THRB: variants seen among roughly 807,000 people sequenced by gnomAD.
The protein encoded by THRB is nuclear receptor subfamily 1 group A member 2.
A neutral mutation model predicts 47.8 loss-of-function variants in THRB; 12 were observed. The ratio of observed to expected loss-of-function variants is 0.25; its 90% CI spans 0.16 to 0.41. The LOEUF (loss-of-function observed/expected upper bound fraction) is 0.41. Among genes scored for constraint, THRB ranks in the 10% least tolerant of loss-of-function variants. The pLI, the probability that THRB is intolerant of heterozygous loss-of-function variation, is 1.00. For synonymous variants in THRB, 218 were observed against 212.2 expected (o/e 1.03, Z -0.24); for missense variants, 348 against 589.2 (o/e 0.59, Z 4.24).
At chr3:24,281,760 A>G (rs1261952617) in intron 3 of THRB, among the ~76,000 whole-genome samples, 1 of 146,784 alleles carries the variant, frequency 6.8e-6, no homozygotes, top group Non-Finnish European at 1.5e-5. Flanking sequence ...CAAATGGAAA[A>G]CAAAAAAAGG....
intron 3 of THRB, among the ~76,000 whole-genome samples, chr3:24,289,860 T>C (rs1449498194): frequency 6.6e-6 from 1 of 152,186 alleles, no homozygotes; most frequent in East Asian, 1.9e-4. Context: ...TATTGGGATG[T>C]TCCCTATCAT....
intron 2 of THRB, among the ~76,000 whole-genome samples, chr3:24,306,508 A>G (rs1259006256): frequency 6.6e-6 from 1 of 152,260 alleles, no homozygotes; most frequent in Non-Finnish European, 1.5e-5. Context: ...AAATTATCCC[A>G]AAGAAAAATA....
intron 1 of THRB, among the ~76,000 whole-genome samples, chr3:24,367,506 A>G (rs1022238933): frequency 6.6e-5 from 10 of 152,184 alleles, no homozygotes; most frequent in African/African-American, 9.7e-5. Flanking sequence ...TGCACAGTCT[A>G]GTAAGCTAGC....
chr3:24,433,892 G>A (rs2070691856), intron 1 of THRB, among the ~76,000 whole-genome samples: 2 of 152,182 alleles, frequency 1.3e-5, no homozygotes, highest in Admixed American at 6.5e-5. Flanking sequence ...ATAACGCTGA[G>A]GGTCCTGACA....
intron 8 of THRB, among the ~76,000 whole-genome samples, chr3:24,139,497 C>T (rs1331819944): frequency 6.6e-6 from 1 of 151,772 alleles, no homozygotes; most frequent in Non-Finnish European, 1.5e-5. Context: ...GATCCATCTA[C>T]CTCAGCCTCC....
At chr3:24,453,419 C>T (rs762693052) in intron 1 of THRB, among the ~76,000 whole-genome samples, 1 of 152,168 alleles carries the variant, frequency 6.6e-6, no homozygotes, top group Non-Finnish European at 1.5e-5. Context: ...AGAACACACA[C>T]TTTTAGCCAT....
intron 1 of THRB, among the ~76,000 whole-genome samples, chr3:24,450,029 G>A (rs891788441): frequency 6.6e-6 from 1 of 151,790 alleles, no homozygotes; most frequent in African/African-American, 2.4e-5. Flanking sequence ...AGAAAGGAGG[G>A]GAGTTAGCCG....
At chr3:24,348,103 G>A (rs557891705) in intron 1 of THRB, among the ~76,000 whole-genome samples, 37 of 152,206 alleles carry the variant, frequency 2.4e-4, no homozygotes, top group South Asian at 2.1e-3. Context: ...TTAGCAGACC[G>A]AATCCTGAGA....
chr3:24,395,105 T>C (rs1025005931), intron 1 of THRB, among the ~76,000 whole-genome samples: 1 of 152,090 alleles, frequency 6.6e-6, no homozygotes, highest in Non-Finnish European at 1.5e-5. Context: ...CCTCATGTCA[T>C]ATGGAAAAAT....
At chr3:24,351,796 T>G (rs536499870) in intron 1 of THRB, among the ~76,000 whole-genome samples, 1 of 152,150 alleles carries the variant, frequency 6.6e-6, no homozygotes, top group Admixed American at 6.5e-5. Flanking sequence ...TCTGTAACAA[T>G]GTCTGTAGTG....
chr3:24,246,536 G>C (rs2050129452), intron 3 of THRB, among the ~76,000 whole-genome samples: 1 of 152,134 alleles, frequency 6.6e-6, no homozygotes, highest in South Asian at 2.1e-4. Context: ...CTGAGTAGAA[G>C]AGATTTAATG....
intron 9 of THRB, among the ~76,000 whole-genome samples, chr3:24,132,520 A>G (rs547669586): frequency 6.6e-6 from 1 of 152,378 alleles, no homozygotes; most frequent in Non-Finnish European, 1.5e-5. Context: ...ACATTATTGT[A>G]ATCCCCATTT....
intron 1 of THRB, among the ~76,000 whole-genome samples, chr3:24,478,987 C>G (rs930765275): frequency 3.9e-5 from 6 of 152,100 alleles, no homozygotes; most frequent in African/African-American, 1.4e-4. Flanking sequence ...TAACTAGAAG[C>G]CAGAGATGCT....
At chr3:24,195,073 G>A (rs994806093) in intron 4 of THRB, among the ~76,000 whole-genome samples, 4 of 152,184 alleles carry the variant, frequency 2.6e-5, no homozygotes, top group African/African-American at 9.7e-5. Context: ...AGACTATTAG[G>A]TATGAAGCCT....
chr3:24,412,061 C>T (rs923497825), intron 1 of THRB, among the ~76,000 whole-genome samples: 9 of 151,660 alleles, frequency 5.9e-5, no homozygotes, highest in African/African-American at 1.9e-4. Context: ...ATAAACATGA[C>T]ATGTACAGAG....
intron 10 of THRB, among the ~76,000 whole-genome samples, chr3:24,124,954 T>A (rs1267277873): frequency 6.6e-6 from 1 of 152,208 alleles, no homozygotes; most frequent in East Asian, 1.9e-4. Context: ...TATTAAGTTG[T>A]CCTGTAGCTG....
At chr3:24,135,847 A>ATATATATAT (rs371175625) in intron 8 of THRB, among the ~76,000 whole-genome samples, 1 of 130,974 alleles carries the variant, frequency 7.6e-6, no homozygotes, top group Non-Finnish European at 1.6e-5. Context: ...ATATATATAT[A>ATATATATAT]ATACATAAAT....
intron 1 of THRB, among the ~76,000 whole-genome samples, chr3:24,413,267 A>G (rs1418345092): frequency 1.3e-5 from 2 of 151,892 alleles, no homozygotes; most frequent in African/African-American, 4.8e-5. Context: ...ATTTTAATAA[A>G]ATGAAAACAT....
intron 1 of THRB, among the ~76,000 whole-genome samples, chr3:24,360,791 T>C (rs1368911325): frequency 6.6e-6 from 1 of 152,192 alleles, no homozygotes; most frequent in Non-Finnish European, 1.5e-5. Context: ...GTCCCCAACA[T>C]GAATATATTT....
Sources: allele counts gnomAD v4.1 joint callset (sites outside exome capture counted in the v4.1 genomes callset), GRCh38; gene constraint gnomAD v4.1.1; transcripts MANE v1.5; gene names NCBI Gene and HGNC (gene_info 2026-07-23, HGNC 2026-07-21).